FSHR: variants seen among roughly 807,000 people sequenced by gnomAD.
FSHR encodes follicle stimulating hormone receptor.
Under a neutral mutation model 52.1 loss-of-function variants are expected in FSHR, and 46 were observed. The observed-to-expected ratio is 0.88, with a 90% CI of 0.70 to 1.13. The LOEUF (loss-of-function observed/expected upper bound fraction) is 1.13. Ranked by LOEUF, FSHR falls within the 50% of genes most tolerant of loss-of-function variation. The pLI is 0.00. For missense variants in FSHR, 964 were observed against 834.6 expected, an observed-to-expected ratio of 1.16 and a Z score of -1.91; for synonymous variants, 399 against 309.6, an observed-to-expected ratio of 1.29 and a Z score of -3.03.
intron 2 of FSHR, among the ~76,000 whole-genome samples, chr2:49,045,241 G>A (rs1472503087): frequency 1.3e-5 from 2 of 152,130 alleles, no homozygotes; most frequent in African/African-American, 4.8e-5. Context: ...TACCACACAG[G>A]TCCCAACACA....
intron 1 of FSHR, among the ~76,000 whole-genome samples, chr2:49,151,615 G>C (rs1673066721): frequency 6.6e-6 from 1 of 152,104 alleles, no homozygotes; most frequent in Non-Finnish European, 1.5e-5. Context: ...TTTCCACCCG[G>C]TGAGCCTGAG....
At chr2:49,033,357 A>G (rs1023482062) in intron 2 of FSHR, among the ~76,000 whole-genome samples, 4 of 152,192 alleles carry the variant, frequency 2.6e-5, no homozygotes, top group African/African-American at 9.7e-5. Flanking sequence ...ATAACCTGCC[A>G]AGAAGAACCT....
chr2:49,050,217 C>T (rs1346369194), intron 2 of FSHR, among the ~76,000 whole-genome samples: 1 of 152,088 alleles, frequency 6.6e-6, no homozygotes, highest in Non-Finnish European at 1.5e-5. Context: ...TTATATTTCC[C>T]AACTGATGGC....
rs577267793 is a variant in FSHR, at chr2:49,033,492, G to A, written c.225-13332C>T. Among the ~76,000 whole-genome samples the A allele has an allele frequency of 2.6e-5, 4 of 152,264 alleles. No homozygotes were observed. In the South Asian group the frequency reaches 8.3e-4, roughly 32 times the overall value. ...GTGAGAATAAGTAGTAGCTGAAAGG[G>A]GAGTTGATGAAGAGGCCAACGCAGG... On this transcript the variant is annotated intron_variant, in intron 2 of 9. Coordinates refer to ENST00000406846, the MANE Select transcript of FSHR (RefSeq NM_000145.4).
At chr2:48,999,447 C>CAGATTCTAA (rs1676161151) in intron 4 of FSHR, among the ~76,000 whole-genome samples, 1 of 152,048 alleles carries the variant, frequency 6.6e-6, no homozygotes, top group Non-Finnish European at 1.5e-5. Flanking sequence ...ACCTTAAAGA[C>CAGATTCTAA]AGATTCTAAT....
At chr2:48,966,501 G>T (rs1674483803) in intron 9 of FSHR, among the ~76,000 whole-genome samples, 1 of 152,214 alleles carries the variant, frequency 6.6e-6, no homozygotes, top group Admixed American at 6.5e-5. Flanking sequence ...AGCCCAGGAA[G>T]AGTCCAGGAG....
intron 4 of FSHR, among the ~76,000 whole-genome samples, chr2:48,993,229 T>G (rs1022247694): frequency 3.9e-5 from 6 of 152,182 alleles, no homozygotes; most frequent in African/African-American, 1.4e-4. Context: ...TTCACTAGTC[T>G]ATTGCTAATT....
chr2:49,061,003 A>G (rs900599503), intron 2 of FSHR, among the ~76,000 whole-genome samples: 2 of 152,036 alleles, frequency 1.3e-5, no homozygotes, highest in African/African-American at 4.8e-5. Flanking sequence ...AATTGCATCC[A>G]TACCTTTCTC....
intron 8 of FSHR, among the ~76,000 whole-genome samples, chr2:48,973,291 C>T (rs548842170): frequency 1.3e-5 from 2 of 151,004 alleles, no homozygotes; most frequent in Admixed American, 6.6e-5. Context: ...AATGCACATG[C>T]AAATGCACAC....
At chr2:49,074,911 G>T (rs57241556) in intron 1 of FSHR, among the ~76,000 whole-genome samples, 38,952 of 151,830 alleles carry the variant, frequency 0.26, 5,444 homozygotes, top group East Asian at 0.46. Flanking sequence ...TGGAGGACAT[G>T]ATGTTAAATG....
rs2103994103 is a variant in FSHR at position 48,963,956 on chromosome 2, G to A, written c.865C>T (p.His289Tyr). The A allele has an allele frequency of 3.1e-6, 5 of 1,613,010 alleles. No individual in the cohort carries two copies. Among genetic ancestry groups the A allele is most frequent in the Non-Finnish European group, 2.5e-6 (3 of 1,179,886 alleles). The change falls in exon 10 of 10, where the codon CAT (histidine) becomes TAT (tyrosine). Residue 289 changes from histidine to tyrosine, a missense_variant. By Grantham distance (83) the His-to-Tyr change is moderately conservative. Transcript: ENST00000406846. ...AAAATAGATTTGTTGCAAATTGGAT[G>A]AAGCTCAGAGCTAGAAAAATACAAA... ...ANWRRQISEL[H>Y]PICNKSILRQ...
At chr2:49,120,610 T>C (rs775895159) in intron 1 of FSHR, among the ~76,000 whole-genome samples, 1 of 152,204 alleles carries the variant, frequency 6.6e-6, no homozygotes. Flanking sequence ...TCAAGAGATA[T>C]TGTGCTCTAG....
At chr2:49,013,335 T>G (rs1667346387) in intron 4 of FSHR, among the ~76,000 whole-genome samples, 1 of 151,306 alleles carries the variant, frequency 6.6e-6, no homozygotes, top group Non-Finnish European at 1.5e-5. Flanking sequence ...GGTGGAAGCT[T>G]AATTAGGTTT....
intron 4 of FSHR, among the ~76,000 whole-genome samples, chr2:49,011,034 T>G (rs1306015917): frequency 1.3e-5 from 2 of 151,342 alleles, no homozygotes; most frequent in African/African-American, 4.8e-5. Context: ...TTCCTTCAGT[T>G]CTGCTCTGAT....
chr2:49,145,726 G>A (rs1672845882), intron 1 of FSHR, among the ~76,000 whole-genome samples: 1 of 152,004 alleles, frequency 6.6e-6, no homozygotes, highest in Non-Finnish European at 1.5e-5. Context: ...AACTTCATGA[G>A]GACAGGGATC....
chr2:49,141,804 G>A (rs961496330), intron 1 of FSHR, among the ~76,000 whole-genome samples: 2 of 152,120 alleles, frequency 1.3e-5, no homozygotes, highest in Non-Finnish European at 2.9e-5. Flanking sequence ...GGAGTTCAGA[G>A]TAAAAAGAGG....
intron 1 of FSHR, among the ~76,000 whole-genome samples, chr2:49,087,226 G>A (rs913053445): frequency 2.0e-5 from 3 of 151,904 alleles, no homozygotes; most frequent in African/African-American, 2.4e-5. Context: ...ATGGAGGTTA[G>A]GCTTTTTGGT....
intron 2 of FSHR, among the ~76,000 whole-genome samples, chr2:49,042,925 T>G (rs920978432): frequency 1.2e-4 from 18 of 152,196 alleles, no homozygotes; most frequent in African/African-American, 4.3e-4. Flanking sequence ...ACCGTCTATT[T>G]TTTTATGCCT....
At chr2:49,024,117 C>T (rs1349756307) in intron 2 of FSHR, among the ~76,000 whole-genome samples, 4 of 152,102 alleles carry the variant, frequency 2.6e-5, no homozygotes, top group Non-Finnish European at 5.9e-5. Flanking sequence ...AGAGTTGTTA[C>T]TGACTTATTG....
Sources: allele counts gnomAD v4.1 joint callset (sites outside exome capture counted in the v4.1 genomes callset), GRCh38; gene constraint gnomAD v4.1.1; transcripts MANE v1.5; gene names NCBI Gene and HGNC (gene_info 2026-07-23, HGNC 2026-07-21).